Variants in ANAPC10 observed in about 807,000 individuals in gnomAD.
ANAPC10 encodes anaphase-promoting complex subunit 10.
Under a neutral mutation model 22.0 loss-of-function variants are expected in ANAPC10, and 12 were observed. That is an observed-to-expected ratio of 0.55 (90% CI 0.35 to 0.88). ANAPC10 has a LOEUF of 0.88. ANAPC10 is among the 40% of genes least tolerant of loss of function. The pLI is 0.01. For synonymous variants in ANAPC10, 65 were observed against 69.5 expected (o/e 0.94, Z 0.32); for missense variants, 188 against 220.9 (o/e 0.85, Z 0.94).
At chr4:145,083,451 G>A (rs954819300) in intron 2 of ANAPC10, among the ~76,000 whole-genome samples, 1 of 152,020 alleles carries the variant, frequency 6.6e-6, no homozygotes, top group African/African-American at 2.4e-5. Context: ...TAGATTTCTA[G>A]GAATAGAATC....
chr4:145,036,195 C>T (rs1364999764), intron 4 of ANAPC10, among the ~76,000 whole-genome samples: 2 of 151,790 alleles, frequency 1.3e-5, no homozygotes, highest in Non-Finnish European at 2.9e-5. Flanking sequence ...CAGCAAATAC[C>T]ACAAAAACCT....
intron 2 of ANAPC10, among the ~76,000 whole-genome samples, chr4:145,085,291 C>T (rs1746697435): frequency 6.6e-6 from 1 of 151,978 alleles, no homozygotes; most frequent in Non-Finnish European, 1.5e-5. Flanking sequence ...AACTGTTTTA[C>T]CTCCAATATA....
At chr4:144,999,333 A>G (rs1020610337) in intron 4 of ANAPC10, 3 of 152,646 alleles carry the variant, frequency 2.0e-5, no homozygotes, top group African/African-American at 7.2e-5. Context: ...TTTTAGACCA[A>G]TATGTTTCAG....
Position 145,049,448 on chromosome 4 carries a change from G to T in ANAPC10, c.327+15124C>A, listed in dbSNP as rs149294542. Among the ~76,000 whole-genome samples the T allele has an allele frequency of 4.4e-3, 667 of 152,180 alleles. 3 individuals are homozygous for T. Among genetic ancestry groups the T allele is most frequent in the African/African-American group, 0.015 (613 of 41,518 alleles). On this transcript the variant is annotated intron_variant, in intron 4 of 4. Transcript: ENST00000507656. ...GATGCAATATTCTAAATTCTTTGTT[G>T]TCATTTCAAGAATGTTCACAGCACC...
At chr4:145,097,675 A>G (rs143173559) in intron 1 of ANAPC10, 61 of 481,168 alleles carry the variant, frequency 1.3e-4, no homozygotes, top group Middle Eastern at 1.5e-3. Flanking sequence ...GTTATGAACT[A>G]GTTGTCACTT....
At chr4:145,004,278 T>A (rs749286891) in intron 4 of ANAPC10, among the ~76,000 whole-genome samples, 2 of 152,114 alleles carry the variant, frequency 1.3e-5, no homozygotes, top group African/African-American at 2.4e-5. Context: ...TAGCATCATA[T>A]CATCTGCAAA....
At chr4:145,047,629 T>C (rs1336011238) in intron 4 of ANAPC10, among the ~76,000 whole-genome samples, 2 of 152,158 alleles carry the variant, frequency 1.3e-5, no homozygotes. Flanking sequence ...TTCATTAAAT[T>C]TCCTCAGAGA....
chr4:145,096,470 A>G (rs1165842070), intron 1 of ANAPC10, among the ~76,000 whole-genome samples: 1 of 152,198 alleles, frequency 6.6e-6, no homozygotes, highest in Non-Finnish European at 1.5e-5. Context: ...GAGCTATAGT[A>G]GTCAAAAGAG....
intron 4 of ANAPC10, among the ~76,000 whole-genome samples, chr4:145,030,464 C>T: frequency 6.6e-6 from 1 of 152,198 alleles, no homozygotes; most frequent in Non-Finnish European, 1.5e-5. Context: ...GACTACTGGA[C>T]ACTGGCTCTG....
At chr4:145,025,967 G>A (rs1050739591) in intron 4 of ANAPC10, among the ~76,000 whole-genome samples, 7 of 152,122 alleles carry the variant, frequency 4.6e-5, no homozygotes, top group African/African-American at 1.7e-4. Flanking sequence ...AGATTAAAGA[G>A]GGTCTAGATT....
chr4:145,049,145 T>C (rs192633263), intron 4 of ANAPC10, among the ~76,000 whole-genome samples: 47 of 152,322 alleles, frequency 3.1e-4, no homozygotes, highest in African/African-American at 9.9e-4. Context: ...CTGCTAAAAA[T>C]TGCTAACAAT....
chr4:145,095,497 A>T (rs1293520762), intron 2 of ANAPC10, among the ~76,000 whole-genome samples: 3 of 152,164 alleles, frequency 2.0e-5, no homozygotes, highest in Non-Finnish European at 4.4e-5. Flanking sequence ...CATCAACATC[A>T]TCGTGGCTTG....
intron 4 of ANAPC10, among the ~76,000 whole-genome samples, chr4:145,040,051 G>C (rs1344577459): frequency 5.3e-5 from 8 of 152,074 alleles, no homozygotes; most frequent in Admixed American, 5.2e-4. Context: ...TAAACAGTTA[G>C]ATGTAATGAA....
intron 1 of ANAPC10, chr4:145,097,435 T>C: frequency 8.0e-7 from 1 of 1,252,494 alleles, no homozygotes; most frequent in Non-Finnish European, 1.0e-6. Context: ...GGTAGCGCAG[T>C]TACTGCTACT....
At chr4:145,002,388 C>T (rs1732708042) in intron 4 of ANAPC10, among the ~76,000 whole-genome samples, 1 of 152,032 alleles carries the variant, frequency 6.6e-6, no homozygotes. Context: ...AGAAGGCGAC[C>T]ACCTAAGAAG....
At chr4:145,087,762 T>C (rs1334168505) in intron 2 of ANAPC10, among the ~76,000 whole-genome samples, 3 of 152,078 alleles carry the variant, frequency 2.0e-5, no homozygotes, top group Admixed American at 2.0e-4. Flanking sequence ...AATAAAGAGA[T>C]GAGGCCAGGC....
intron 4 of ANAPC10, among the ~76,000 whole-genome samples, chr4:145,011,640 T>C (rs1169646834): frequency 6.6e-6 from 1 of 151,998 alleles, no homozygotes; most frequent in Admixed American, 6.6e-5. Flanking sequence ...TTTGCCCAGG[T>C]AGAGAGTTGT....
chr4:145,083,340 G>A (rs1303076228), intron 2 of ANAPC10, among the ~76,000 whole-genome samples: 2 of 152,050 alleles, frequency 1.3e-5, no homozygotes, highest in Non-Finnish European at 2.9e-5. Flanking sequence ...CCACACCTCT[G>A]CAGAACATTT....
rs151104891 is a variant in ANAPC10, at chr4:145,080,950, T to C, written c.206+710A>G. Among the ~76,000 whole-genome samples the C allele has an allele frequency of 1.5e-3, 211 of 144,990 alleles. 3 individuals carry two copies. The East Asian group carries it at 0.022, about 15-fold the overall frequency. On this transcript the variant is annotated intron_variant, in intron 3 of 4. Coordinates refer to ENST00000507656, the MANE Select transcript of ANAPC10 (RefSeq NM_001256706.2). The stretch of plus-strand genomic sequence containing the variant: ...AAAAGATGGTATAAATGGAACAAGA[T>C]AGCTGAGTTAACTGGTTTCCAACTA...
Sources: gnomAD v4.1 joint callset for allele counts (sites outside exome capture counted in the v4.1 genomes callset) on GRCh38, gnomAD v4.1.1 for gene constraint, MANE v1.5 for transcripts, NCBI Gene and HGNC (gene_info 2026-07-23, HGNC 2026-07-21) for gene names.